GRIP1: variants seen among roughly 807,000 people sequenced by gnomAD.
The protein encoded by GRIP1 is glutamate receptor interacting protein 1.
GRIP1 carries 45 observed loss-of-function variants against 129.9 expected under a neutral mutation model. That is an observed-to-expected ratio of 0.35 (90% CI 0.27 to 0.44). The LOEUF (loss-of-function observed/expected upper bound fraction) is 0.44, where lower values mean the gene tolerates loss of function less well. Ranked by LOEUF, GRIP1 falls within the 20% of genes least tolerant of loss-of-function variation. The pLI, the probability that GRIP1 is intolerant of heterozygous loss-of-function variation, is 1.00. For synonymous variants in GRIP1, 530 were observed against 520.8 expected (o/e 1.02, Z -0.24); for missense variants, 1,196 against 1,396.8 (o/e 0.86, Z 2.29).
chr12:66,443,767 T>C (rs1351761214), intron 13 of GRIP1, among the ~76,000 whole-genome samples: 2 of 152,100 alleles, frequency 1.3e-5, no homozygotes, highest in African/African-American at 2.4e-5. Flanking sequence ...ACTGCAATAT[T>C]CTTGACCCCC....
At chr12:66,405,270 C>T (rs1435961123) in intron 16 of GRIP1, among the ~76,000 whole-genome samples, 1 of 152,046 alleles carries the variant, frequency 6.6e-6, no homozygotes, top group East Asian at 1.9e-4. Context: ...TCAGCAGAAC[C>T]ATATTAATAG....
chr12:66,526,840 A>G (rs1452398736), intron 5 of GRIP1, among the ~76,000 whole-genome samples: 1 of 151,488 alleles, frequency 6.6e-6, no homozygotes, highest in Non-Finnish European at 1.5e-5. Context: ...CAAGAAAAAA[A>G]CAACCCCATC....
At chr12:66,632,213 T>C (rs61926097) in intron 1 of GRIP1, among the ~76,000 whole-genome samples, 9,249 of 152,212 alleles carry the variant, frequency 0.061, 340 homozygotes, top group East Asian at 0.11. Flanking sequence ...AGTAAGACAT[T>C]TGTTGTCACA....
chr12:67,049,096 AT>A (rs1205889415), intron 1 of GRIP1, among the ~76,000 whole-genome samples: 1 of 152,132 alleles, frequency 6.6e-6, no homozygotes, highest in Non-Finnish European at 1.5e-5. Context: ...CAGTGCTAGG[AT>A]TACAGACACA....
At chr12:66,639,399 G>C (rs79800034) in intron 1 of GRIP1, among the ~76,000 whole-genome samples, 2,674 of 152,236 alleles carry the variant, frequency 0.018, 40 homozygotes, top group Middle Eastern at 0.044. Flanking sequence ...CCAGGAAAGA[G>C]GGAATGGCAT....
chr12:66,842,473 C>A (rs924662898), intron 1 of GRIP1, among the ~76,000 whole-genome samples: 1 of 152,098 alleles, frequency 6.6e-6, no homozygotes, highest in Non-Finnish European at 1.5e-5. Context: ...CCTCAGTTTC[C>A]TTTGGGTGTT....
intron 2 of GRIP1, among the ~76,000 whole-genome samples, chr12:66,570,104 C>CATGT (rs58598900): frequency 0.037 from 5,554 of 150,812 alleles, 156 homozygotes; most frequent in Middle Eastern, 0.079. Context: ...GTAGGCATTG[C>CATGT]ATGTATGTAT....
At chr12:66,692,972 T>G (rs1309312506) in intron 1 of GRIP1, among the ~76,000 whole-genome samples, 1 of 152,210 alleles carries the variant, frequency 6.6e-6, no homozygotes, top group African/African-American at 2.4e-5. Context: ...GAAACCACTG[T>G]AACCTAACTT....
intron 7 of GRIP1, among the ~76,000 whole-genome samples, chr12:66,479,025 T>C (rs1010087008): frequency 2.7e-5 from 4 of 146,440 alleles, no homozygotes; most frequent in African/African-American, 1.0e-4. Flanking sequence ...ACCTAAAGTA[T>C]AATAAAAAAT....
In GRIP1 at chr12:66,432,605, T is replaced by C. The variant is rs761828687; in HGVS notation, c.1711A>G (p.Thr571Ala). The change falls in exon 14 of 25, where the codon ACA (threonine) becomes GCA (alanine). Residue 571 changes from threonine (T) to alanine (A), a missense_variant. Thr to Ala is a moderately conservative substitution (Grantham distance 58). This residue lies in a region of GRIP1 where 508 missense variants were observed against 587.0 expected (regional missense o/e 0.87). Coordinates refer to ENST00000359742, the MANE Select transcript of GRIP1 (RefSeq NM_001366722.1). ...VAESVIPSSGTFHVKLPKKHN... is the reference protein window; with the variant it reads ...VAESVIPSSGAFHVKLPKKHN... ...TTCTTAGGCAGCTTTACATGAAATG[T>C]TCCACTACTTGGGATGACAGACTCT... 3 of 1,602,018 alleles carry C rather than the reference T, an allele frequency of 1.9e-6. No homozygotes were observed. Among genetic ancestry groups the C allele is most frequent in the Non-Finnish European group, 2.6e-6 (3 of 1,169,812 alleles).
At chr12:66,450,984 C>T (rs1340526837) in intron 11 of GRIP1, among the ~76,000 whole-genome samples, 1 of 152,172 alleles carries the variant, frequency 6.6e-6, no homozygotes, top group African/African-American at 2.4e-5. Flanking sequence ...GTAGCAGATG[C>T]TTCCGCAAGG....
intron 7 of GRIP1, among the ~76,000 whole-genome samples, chr12:66,509,758 G>A (rs1330104639): frequency 6.6e-6 from 1 of 152,058 alleles, no homozygotes; most frequent in African/African-American, 2.4e-5. Flanking sequence ...GAGAACACAT[G>A]GACACATGGA....
chr12:66,354,909 G>A (rs141577815), intron 23 of GRIP1, among the ~76,000 whole-genome samples: 160 of 152,226 alleles, frequency 1.1e-3, no homozygotes, highest in Non-Finnish European at 1.9e-3. Flanking sequence ...CAGTCCCAGT[G>A]GTTATTGCCA....
intron 8 of GRIP1, among the ~76,000 whole-genome samples, chr12:66,464,894 T>C (rs2059238993): frequency 6.6e-6 from 1 of 151,958 alleles, no homozygotes. Context: ...TGTATGTATA[T>C]ATATTTAAAA....
chr12:66,726,314 T>C (rs1395618128), intron 1 of GRIP1, among the ~76,000 whole-genome samples: 1 of 152,180 alleles, frequency 6.6e-6, no homozygotes, highest in Admixed American at 6.5e-5. Flanking sequence ...AGTCACTAGT[T>C]TGAATAACTT....
chr12:66,666,100 A>G (rs1015819524), intron 1 of GRIP1, among the ~76,000 whole-genome samples: 1 of 152,182 alleles, frequency 6.6e-6, no homozygotes, highest in South Asian at 2.1e-4. Context: ...TTTATACTGT[A>G]AAAACTTATA....
chr12:66,711,277 A>C (rs1012100408), intron 1 of GRIP1, among the ~76,000 whole-genome samples: 1 of 151,948 alleles, frequency 6.6e-6, no homozygotes, highest in African/African-American at 2.4e-5. Context: ...AGGAAAAACA[A>C]ACTTCTTAAA....
At chr12:66,477,704 G>C (rs998978030) in intron 7 of GRIP1, among the ~76,000 whole-genome samples, 3 of 152,130 alleles carry the variant, frequency 2.0e-5, no homozygotes, top group African/African-American at 7.2e-5. Context: ...GAACAGAATA[G>C]AGCCCTCAGA....
chr12:66,492,416 G>GAACA (rs2138680697), intron 7 of GRIP1, among the ~76,000 whole-genome samples: 2 of 152,076 alleles, frequency 1.3e-5, no homozygotes, highest in South Asian at 4.2e-4. Context: ...TTAATAAAAA[G>GAACA]AACAACAATT....
Sources: gnomAD v4.1 joint callset for allele counts (sites outside exome capture counted in the v4.1 genomes callset) on GRCh38, gnomAD v4.1.1 for gene constraint, gnomAD v4.1.1 regional missense constraint, MANE v1.5 for transcripts, NCBI Gene and HGNC (gene_info 2026-07-23, HGNC 2026-07-21) for gene names.